BIRC6: variants seen among roughly 807,000 people sequenced by gnomAD.
BIRC6 encodes the protein dual E2 ubiquitin-conjugating enzyme/E3 ubiquitin-protein ligase BIRC6.
BIRC6 carries 98 observed loss-of-function variants against 503.3 expected under a neutral mutation model. The observed-to-expected ratio is 0.19, with a 90% CI of 0.17 to 0.23. The LOEUF is 0.23. BIRC6 is among the 10% of genes least tolerant of loss of function. The pLI is 1.00. For synonymous variants in BIRC6, 2,240 were observed against 2,078.7 expected (o/e 1.08, Z -2.11); for missense variants, 5,360 against 5,806.0 (o/e 0.92, Z 2.50).
chr2:32,555,249 A>G (rs2058692284), intron 65 of BIRC6, among the ~76,000 whole-genome samples: 1 of 152,162 alleles, frequency 6.6e-6, no homozygotes, highest in Non-Finnish European at 1.5e-5. Context: ...GTGGTGGTTC[A>G]TGCCTGTAAT....
At chr2:32,581,866 G>A (rs2060698218) in intron 66 of BIRC6, among the ~76,000 whole-genome samples, 1 of 152,068 alleles carries the variant, frequency 6.6e-6, no homozygotes, top group African/African-American at 2.4e-5. Flanking sequence ...TTTATTTTAT[G>A]TATTTATTTA....
chr2:32,451,931 C>A (rs1445454361), intron 22 of BIRC6, among the ~76,000 whole-genome samples: 4 of 152,034 alleles, frequency 2.6e-5, no homozygotes, highest in Non-Finnish European at 4.4e-5. Flanking sequence ...AGTGGTGAAC[C>A]AATATTTTCC....
At chr2:32,595,676 T>A (rs1040939763) in intron 68 of BIRC6, among the ~76,000 whole-genome samples, 1 of 152,228 alleles carries the variant, frequency 6.6e-6, no homozygotes, top group Non-Finnish European at 1.5e-5. Flanking sequence ...CATTATTAAC[T>A]ATTATTGTCT....
chr2:32,442,791 T>G (rs1436935134), intron 19 of BIRC6, among the ~76,000 whole-genome samples: 1 of 152,196 alleles, frequency 6.6e-6, no homozygotes, highest in Admixed American at 6.5e-5. Flanking sequence ...GTGTTTTCTC[T>G]GTTATGTAAC....
intron 42 of BIRC6, among the ~76,000 whole-genome samples, chr2:32,488,975 C>A (rs928711187): frequency 6.6e-6 from 1 of 151,882 alleles, no homozygotes; most frequent in Non-Finnish European, 1.5e-5. Flanking sequence ...TCTGTTACTC[C>A]TTTATATTTT....
At chr2:32,583,991 C>T (rs1401559897) in intron 66 of BIRC6, among the ~76,000 whole-genome samples, 2 of 152,188 alleles carry the variant, frequency 1.3e-5, no homozygotes, top group Non-Finnish European at 2.9e-5. Flanking sequence ...CTTGGCCTCC[C>T]AAAGTGCTGG....
At chr2:32,487,295 C>A (rs2051113063) in intron 40 of BIRC6, among the ~76,000 whole-genome samples, 1 of 152,128 alleles carries the variant, frequency 6.6e-6, no homozygotes, top group African/African-American at 2.4e-5. Flanking sequence ...CTAGATTATT[C>A]TAAAACTACC....
intron 61 of BIRC6, among the ~76,000 whole-genome samples, chr2:32,534,875 G>C (rs2057089655): frequency 6.6e-6 from 1 of 151,348 alleles, no homozygotes; most frequent in Middle Eastern, 3.2e-3. Flanking sequence ...AGAGTGAGTT[G>C]AAACATGGAC....
chr2:32,397,027 C>G (rs2149662146), intron 6 of BIRC6, among the ~76,000 whole-genome samples: 1 of 152,234 alleles, frequency 6.6e-6, no homozygotes, highest in Admixed American at 6.5e-5. Context: ...TGCGCCCGGC[C>G]TAAAATTGAA....
At chr2:32,502,668 T>G (rs2053335252) in intron 47 of BIRC6, 127 bp from the exon 48 acceptor site, 2 of 613,622 alleles carry the variant, frequency 3.3e-6, no homozygotes, top group African/African-American at 3.8e-5. Flanking sequence ...TGGCAGACAT[T>G]TTGTATTTAG....
At chr2:32,608,902 T>C (rs1370323932) in intron 72 of BIRC6, among the ~76,000 whole-genome samples, 1 of 152,040 alleles carries the variant, frequency 6.6e-6, no homozygotes, top group East Asian at 1.9e-4. Flanking sequence ...TTTTTTGAGA[T>C]AGGACTTGGC....
At chr2:32,585,655 C>T (rs2060976633) in intron 66 of BIRC6, among the ~76,000 whole-genome samples, 1 of 152,200 alleles carries the variant, frequency 6.6e-6, no homozygotes, top group Non-Finnish European at 1.5e-5. Flanking sequence ...GCTGGGATTA[C>T]AGGTGTGAGC....
At chr2:32,588,430 G>A (rs1167378045) in intron 66 of BIRC6, among the ~76,000 whole-genome samples, 1 of 152,110 alleles carries the variant, frequency 6.6e-6, no homozygotes, top group African/African-American at 2.4e-5. Context: ...GTCTTTTCAA[G>A]ATGATTTGGT....
chr2:32,438,708 C>T (rs961501285), intron 15 of BIRC6, among the ~76,000 whole-genome samples: 4 of 151,602 alleles, frequency 2.6e-5, no homozygotes, highest in Non-Finnish European at 4.4e-5. Context: ...TACAGGCGCC[C>T]GCCACCACGC....
intron 9 of BIRC6, among the ~76,000 whole-genome samples, chr2:32,407,558 T>C (rs1423962548): frequency 6.6e-6 from 1 of 152,166 alleles, no homozygotes; most frequent in Non-Finnish European, 1.5e-5. Flanking sequence ...GTGGCTATTG[T>C]TTAATGTTAG....
intron 36 of BIRC6, 47 bp from the exon 37 acceptor site, chr2:32,479,415 C>A: frequency 6.6e-7 from 1 of 1,520,670 alleles, no homozygotes; most frequent in South Asian, 1.2e-5. Flanking sequence ...AATACATTTT[C>A]GAAATCTGTA....
chr2:32,538,021 A>C (rs1204476176), intron 61 of BIRC6, among the ~76,000 whole-genome samples: 1 of 152,180 alleles, frequency 6.6e-6, no homozygotes, highest in Non-Finnish European at 1.5e-5. Flanking sequence ...GAGCAACTAG[A>C]AGCAGGCAGA....
At chr2:32,578,066 C>T (rs1311198276) in intron 66 of BIRC6, among the ~76,000 whole-genome samples, 4 of 152,020 alleles carry the variant, frequency 2.6e-5, no homozygotes, top group African/African-American at 4.8e-5. Flanking sequence ...TATACTTTTT[C>T]GTTGAAACCC....
intron 13 of BIRC6, among the ~76,000 whole-genome samples, chr2:32,434,301 GT>G (rs1373014046): frequency 6.6e-6 from 1 of 152,142 alleles, no homozygotes; most frequent in Non-Finnish European, 1.5e-5. Flanking sequence ...ACTACTGAGT[GT>G]TTTCTCCTTA....
Sources: allele counts gnomAD v4.1 joint callset (sites outside exome capture counted in the v4.1 genomes callset), GRCh38; gene constraint gnomAD v4.1.1; transcripts MANE v1.5; gene names NCBI Gene and HGNC (gene_info 2026-07-23, HGNC 2026-07-21).